The following GALNT14 variants were observed in gnomAD, a reference collection of about 807,000 sequenced individuals.
GALNT14 encodes UDP-GalNAc:polypeptide N-acetylgalactosaminyltransferase 14.
Under a neutral mutation model 77.5 loss-of-function variants are expected in GALNT14, and 60 were observed. That is an observed-to-expected ratio of 0.77 (90% CI 0.63 to 0.96). GALNT14 has a LOEUF of 0.96. Among genes scored for constraint, GALNT14 ranks in the 40% least tolerant of loss-of-function variants. The pLI is 0.00. For synonymous variants in GALNT14, 280 were observed against 281.7 expected (o/e 0.99, Z 0.06); for missense variants, 710 against 731.0 (o/e 0.97, Z 0.33).
chr2:30,976,621 ATG>A (rs907270186), intron 2 of GALNT14, among the ~76,000 whole-genome samples: 45 of 139,694 alleles, frequency 3.2e-4, no homozygotes, highest in South Asian at 4.6e-4. Context: ...GCGTGTGTGT[ATG>A]TGTGTGTGTG....
At chr2:31,008,614 CCTT>C (rs71966124) in intron 1 of GALNT14, among the ~76,000 whole-genome samples, 35,651 of 152,000 alleles carry the variant, frequency 0.23, 4,430 homozygotes, top group East Asian at 0.4. Flanking sequence ...GATGACTGTA[CCTT>C]CTTCTCGCCT....
rs116452199 is a variant in GALNT14, at chr2:30,926,944, T to G, written c.1152-2121A>C. On this transcript the variant is annotated intron_variant, in intron 11 of 14. Coordinates refer to ENST00000349752, the MANE Select transcript of GALNT14 (RefSeq NM_024572.4). The stretch of plus-strand genomic sequence containing the variant: ...GGAATGGAAAAGACAGAGCATGGAT[T>G]ATGAGCAATGTTGGACTGAAGGAGG... Among the ~76,000 whole-genome samples the G allele has an allele frequency of 4.7e-3, 716 of 152,212 alleles. 5 individuals are homozygous for G. The highest frequency in any genetic ancestry group is 0.016 in the African/African-American group (682 of 41,506).
At chr2:31,046,700 C>A (rs961182726) in intron 1 of GALNT14, among the ~76,000 whole-genome samples, 10 of 152,064 alleles carry the variant, frequency 6.6e-5, no homozygotes, top group Non-Finnish European at 1.5e-4. Flanking sequence ...AGGTCAATGG[C>A]CTACAGACCA....
chr2:31,115,041 G>A (rs1287808306), intron 1 of GALNT14, among the ~76,000 whole-genome samples: 1 of 152,086 alleles, frequency 6.6e-6, no homozygotes, highest in Non-Finnish European at 1.5e-5. Context: ...GAGCCCAGGA[G>A]TTCAAGACCA....
intron 1 of GALNT14, among the ~76,000 whole-genome samples, chr2:31,002,491 T>C (rs1670426079): frequency 1.3e-5 from 2 of 151,866 alleles, no homozygotes; most frequent in Non-Finnish European, 2.9e-5. Flanking sequence ...TTCAAAACTG[T>C]GTTCCTTCCA....
intron 1 of GALNT14, among the ~76,000 whole-genome samples, chr2:31,011,282 T>C (rs1021911193): frequency 6.6e-6 from 1 of 152,222 alleles, no homozygotes; most frequent in African/African-American, 2.4e-5. Context: ...CAGGCATACT[T>C]TTAGCACTCA....
chr2:30,929,854 T>A (rs984849892), intron 10 of GALNT14, among the ~76,000 whole-genome samples: 1 of 152,226 alleles, frequency 6.6e-6, no homozygotes, highest in African/African-American at 2.4e-5. Context: ...TTCATTCATG[T>A]TTCACATACA....
chr2:31,034,631 ATTTAG>A (rs1282589908), intron 1 of GALNT14, among the ~76,000 whole-genome samples: 1 of 151,116 alleles, frequency 6.6e-6, no homozygotes, highest in Non-Finnish European at 1.5e-5. Flanking sequence ...GTTGTTTTAG[ATTTAG>A]TTTAGTTTGC....
chr2:30,892,012 C>T, the GALNT14 span, among the ~76,000 whole-genome samples: 372 of 152,320 alleles, frequency 2.4e-3, 1 homozygote, highest in Admixed American at 9.4e-3. Flanking sequence ...CGAACACCTA[C>T]GAATATTGAC....
At chr2:30,951,222 A>G (rs1210105329) in intron 6 of GALNT14, among the ~76,000 whole-genome samples, 1 of 152,262 alleles carries the variant, frequency 6.6e-6, no homozygotes, top group East Asian at 1.9e-4. Context: ...ATGGAATAGT[A>G]TTAGCCATGA....
At chr2:31,128,232 G>C (rs1678793320) in intron 1 of GALNT14, among the ~76,000 whole-genome samples, 1 of 151,994 alleles carries the variant, frequency 6.6e-6, no homozygotes, top group Non-Finnish European at 1.5e-5. Context: ...GAACCAGCAG[G>C]CCACCAACGA....
intron 2 of GALNT14, among the ~76,000 whole-genome samples, chr2:30,989,560 T>TTATATATATA (rs57594110): frequency 8.4e-4 from 73 of 87,092 alleles, no homozygotes; most frequent in Middle Eastern, 5.6e-3. Context: ...GGTAAATACC[T>TTATATATATA]TATATATATA....
chr2:31,086,849 T>C (rs1262503877), intron 1 of GALNT14, among the ~76,000 whole-genome samples: 1 of 152,118 alleles, frequency 6.6e-6, no homozygotes, highest in East Asian at 1.9e-4. Flanking sequence ...CTAGACAACC[T>C]CCAAGGGTCT....
At chr2:30,899,828 A>G in the GALNT14 span, among the ~76,000 whole-genome samples, 2 of 152,316 alleles carry the variant, frequency 1.3e-5, no homozygotes, top group South Asian at 2.1e-4. Context: ...TCCACAGACC[A>G]CGAGGGAGCT....
intron 4 of GALNT14, among the ~76,000 whole-genome samples, chr2:30,957,751 T>C (rs1667453570): frequency 6.6e-6 from 1 of 152,188 alleles, no homozygotes; most frequent in African/African-American, 2.4e-5. Flanking sequence ...ACAGTGGTCA[T>C]TCCATTTCCC....
chr2:31,042,060 C>T (rs1034619899), intron 1 of GALNT14, among the ~76,000 whole-genome samples: 1 of 152,048 alleles, frequency 6.6e-6, no homozygotes, highest in Non-Finnish European at 1.5e-5. Context: ...TAGCAGGTAT[C>T]GTATGCAGAG....
intron 1 of GALNT14, chr2:31,129,606 C>T (rs1678878955): frequency 1.0e-6 from 1 of 985,224 alleles, no homozygotes; most frequent in African/African-American, 1.7e-5. Flanking sequence ...GAAATACAGG[C>T]ACCAGCTAAT....
At position 30,942,499 on chromosome 2, in the gene GALNT14, T is replaced by G. The variant is rs577321620; in HGVS notation, c.828-195A>C. The stretch of plus-strand genomic sequence containing the variant: ...CAGTATATTTTCCAGTTACCTAAAA[T>G]GAGAACAAGCTCCAGGGTTTTTCCT... On this transcript the variant is annotated intron_variant, in intron 8 of 14. Transcript: ENST00000349752. 2.7e-4 allele frequency among the ~76,000 whole-genome samples: 41 copies of G among 152,320 alleles called. 1 individual carries two copies. The South Asian group carries it at 8.3e-3, about 31-fold the overall frequency.
intron 1 of GALNT14, among the ~76,000 whole-genome samples, chr2:31,135,568 T>G (rs1251997106): frequency 6.7e-6 from 1 of 150,198 alleles, no homozygotes; most frequent in Non-Finnish European, 1.5e-5. Context: ...ATTTTCTAAG[T>G]CTATAAAAAT....
Sources: allele counts gnomAD v4.1 joint callset (sites outside exome capture counted in the v4.1 genomes callset), GRCh38; gene constraint gnomAD v4.1.1; transcripts MANE v1.5; gene names NCBI Gene and HGNC (gene_info 2026-07-23, HGNC 2026-07-21).